The following PCDHA3 variants were observed in gnomAD, a reference collection of about 807,000 sequenced individuals.
PCDHA3 encodes the protein protocadherin alpha-3.
PCDHA3 carries 41 observed loss-of-function variants against 62.2 expected under a neutral mutation model. The ratio of observed to expected loss-of-function variants is 0.66; its 90% CI spans 0.51 to 0.86. The LOEUF is 0.86. Ranked by LOEUF, PCDHA3 falls within the 40% of genes least tolerant of loss-of-function variation. The probability of loss-of-function intolerance (pLI) is 0.00; values close to 1 mark genes in which losing one functional copy is unlikely to be tolerated. For synonymous variants in PCDHA3, 640 were observed against 555.4 expected (o/e 1.15, Z -2.14); for missense variants, 1,304 against 1,241.2 (o/e 1.05, Z -0.76).
intron 1 of PCDHA3, among the ~76,000 whole-genome samples, chr5:140,874,875 C>T (rs1198638735): frequency 2.6e-5 from 4 of 152,134 alleles, no homozygotes; most frequent in African/African-American, 9.7e-5. Flanking sequence ...TTGTTAAATA[C>T]AAATTCCTAA....
intron 1 of PCDHA3, among the ~76,000 whole-genome samples, chr5:140,821,215 G>A (rs1244036571): frequency 1.3e-5 from 2 of 152,084 alleles, no homozygotes; most frequent in African/African-American, 4.8e-5. Context: ...AATTAGATAT[G>A]TTTAAATAGA....
intron 1 of PCDHA3, chr5:140,821,619 T>G: frequency 5.8e-6 from 5 of 868,556 alleles, no homozygotes; most frequent in Non-Finnish European, 8.6e-6. Flanking sequence ...GAGTAGATTT[T>G]CCTTAGACAG....
Position 140,973,027 on chromosome 5 carries a change from T to C in PCDHA3, c.2395-5922T>C, listed in dbSNP as rs373487044. On this transcript the variant is annotated intron_variant, in intron 1 of 3. Coordinates refer to ENST00000522353, the MANE Select transcript of PCDHA3 (RefSeq NM_018906.3). ...TCGTGGTGTTGTGATTGTTAATGAG[T>C]CACTTTGAGTACTCTAGTAGATTTG... Among the ~76,000 whole-genome samples the C allele has an allele frequency of 2.6e-5, 4 of 152,042 alleles. No individual in the cohort carries two copies. The East Asian group carries it at 5.8e-4, about 22-fold the overall frequency.
chr5:140,985,488 A>G (rs1554247116), intron 3 of PCDHA3, among the ~76,000 whole-genome samples: 1 of 152,156 alleles, frequency 6.6e-6, no homozygotes, highest in Non-Finnish European at 1.5e-5. Flanking sequence ...CCAGACTCAA[A>G]TAGAGCCTGC....
At chr5:140,882,633 A>G in intron 1 of PCDHA3, 1 of 1,614,220 alleles carries the variant, frequency 6.2e-7, no homozygotes, top group Non-Finnish European at 8.5e-7. Context: ...GTGGAGGTGA[A>G]GGTGAGGGAC....
In PCDHA3 at chr5:140,823,155, C is replaced by G. The variant is rs142802947; in HGVS notation, c.2394+19564C>G. On this transcript the variant is annotated intron_variant, in intron 1 of 3. Transcript: ENST00000522353. ...CGGCGTTCGCGCAGCCCCAGTATAC[C>G]GTGTTCGTGAAGGAGAACAACCCGC... The G allele has an allele frequency of 1.5e-5, 25 of 1,613,718 alleles. No individual in the cohort carries two copies. In the Admixed American group the frequency reaches 4.0e-4, roughly 26 times the overall value.
At chr5:140,879,190 C>T (rs2057894732) in intron 1 of PCDHA3, among the ~76,000 whole-genome samples, 1 of 152,052 alleles carries the variant, frequency 6.6e-6, no homozygotes. Context: ...GTAATGGAGA[C>T]TTAAATTATG....
At chr5:140,943,024 A>C (rs2093406550) in intron 1 of PCDHA3, among the ~76,000 whole-genome samples, 1 of 152,102 alleles carries the variant, frequency 6.6e-6, no homozygotes, top group Admixed American at 6.6e-5. Context: ...TGGGAGGCTG[A>C]GGTGGGTGGA....
chr5:140,849,758 C>T lies in PCDHA3; in HGVS notation c.2394+46167C>T, dbSNP rs150560525. ...TGGACCGCGAGAGTGTGTCCGCCTA[C>T]GAGCTGGTGGTTACCGCGCGGGACG... On this transcript the variant is annotated intron_variant, in intron 1 of 3. Transcript: ENST00000522353. 1.8e-4 allele frequency: 292 copies of T among 1,598,480 alleles called. 14 individuals are homozygous for T. The highest frequency in any genetic ancestry group is 1.6e-3 in the African/African-American group (121 of 74,466).
intron 1 of PCDHA3, chr5:140,843,271 G>A: frequency 6.3e-7 from 1 of 1,596,112 alleles, no homozygotes; most frequent in East Asian, 2.2e-5. Flanking sequence ...TGCTGGTCCT[G>A]GTGAAGGATC....
intron 1 of PCDHA3, chr5:140,812,725 C>A (rs1158807394): frequency 2.6e-5 from 4 of 152,250 alleles, no homozygotes; most frequent in Admixed American, 6.5e-5. Flanking sequence ...TCCCAAAGCA[C>A]TGGGATTACA....
chr5:140,808,479 G>A (rs782290463), intron 1 of PCDHA3: 5 of 1,614,186 alleles, frequency 3.1e-6, no homozygotes, highest in Non-Finnish European at 4.2e-6. Flanking sequence ...CGAGACGGGG[G>A]CTCGCCTTCG....
intron 1 of PCDHA3, chr5:140,851,253 T>C: frequency 2.8e-6 from 3 of 1,086,078 alleles, no homozygotes; most frequent in Non-Finnish European, 2.3e-6. Context: ...TGATGCATAG[T>C]ATTTTAGTCT....
At chr5:140,846,138 T>C (rs1780216655) in intron 1 of PCDHA3, among the ~76,000 whole-genome samples, 1 of 149,702 alleles carries the variant, frequency 6.7e-6, no homozygotes, top group Non-Finnish European at 1.5e-5. Flanking sequence ...ATGTTTCCCA[T>C]ATTTAAAAGT....
Position 140,803,278 on chromosome 5 carries a change from T to C in PCDHA3, c.2081T>C (p.Val694Ala). The C allele has an allele frequency of 6.2e-7, 1 of 1,614,030 alleles. No individual in the cohort carries two copies. The highest frequency in any genetic ancestry group is 1.1e-5 in the South Asian group (1 of 91,090). The change falls in exon 1 of 4, where the codon GTG becomes GCG. Residue 694 changes from valine (V) to alanine (A), a missense_variant. Physicochemically the swap from Val to Ala is moderately conservative, Grantham distance 64 (BLOSUM62 0). Transcript: ENST00000522353. ...GCCACGGGCCCGGAAGCTGCACTGGTGGATGTCAACGTGTACTTGATCGTC... is the reference window on the plus strand; with the variant it reads ...GCCACGGGCCCGGAAGCTGCACTGGCGGATGTCAACGTGTACTTGATCGTC... ...AGATGPEAAL[V>A]DVNVYLIVAI...
In PCDHA3 at chr5:140,959,652, T is replaced by C. The variant is rs538144488; in HGVS notation, c.2395-19297T>C. 1.3e-4 allele frequency among the ~76,000 whole-genome samples: 20 copies of C among 152,234 alleles called. No individual in the cohort carries two copies. In the South Asian group the frequency reaches 4.2e-3, roughly 32 times the overall value. On this transcript the variant is annotated intron_variant, in intron 1 of 3. Transcript: ENST00000522353. ...AGAGAGAAAAAACACAGAAGCAAAATTGAAGAATTTGTAAATCATTTCTAA... is the reference window on the plus strand; with the variant it reads ...AGAGAGAAAAAACACAGAAGCAAAACTGAAGAATTTGTAAATCATTTCTAA...
At chr5:140,894,973 C>G (rs1297295605) in intron 1 of PCDHA3, among the ~76,000 whole-genome samples, 1 of 152,076 alleles carries the variant, frequency 6.6e-6, no homozygotes, top group Non-Finnish European at 1.5e-5. Context: ...TTTTTAATGT[C>G]TTACTTTGTG....
At chr5:140,836,095 G>T in intron 1 of PCDHA3, 2 of 1,613,694 alleles carry the variant, frequency 1.2e-6, no homozygotes, top group Non-Finnish European at 1.7e-6. Context: ...CCTCGGGTGG[G>T]TGGCACTGGT....
At chr5:140,926,789 G>A in intron 1 of PCDHA3, 1 of 1,432,318 alleles carries the variant, frequency 7.0e-7, no homozygotes, top group East Asian at 2.5e-5. Flanking sequence ...CGGCCGGCAG[G>A]AGCGTGCTCT....
Sources: gnomAD v4.1 joint callset for allele counts (sites outside exome capture counted in the v4.1 genomes callset) on GRCh38, gnomAD v4.1.1 for gene constraint, MANE v1.5 for transcripts, NCBI Gene and HGNC (gene_info 2026-07-23, HGNC 2026-07-21) for gene names.